Variants in AKNAD1 observed in about 807,000 individuals in gnomAD.
AKNAD1 encodes protein AKNAD1.
A neutral mutation model predicts 90.8 loss-of-function variants in AKNAD1; 67 were observed. That is an observed-to-expected ratio of 0.74 (90% CI 0.61 to 0.90). The LOEUF is 0.90. AKNAD1 is among the 40% of genes least tolerant of loss of function. The pLI is 0.00. For synonymous variants in AKNAD1, 327 were observed against 341.4 expected (o/e 0.96, Z 0.46); for missense variants, 957 against 975.4 (o/e 0.98, Z 0.25).
At chr1:108,853,850 C>T (rs1015834137) in intron 1 of AKNAD1, among the ~76,000 whole-genome samples, 46 of 151,976 alleles carry the variant, frequency 3.0e-4, no homozygotes, top group African/African-American at 1.0e-3. Context: ...GCAGGAGCAT[C>T]GCTTGAACCT....
chr1:108,816,004 T>G lies in AKNAD1; in HGVS notation c.*167A>C. The G allele has an allele frequency of 1.9e-6, 1 of 536,226 alleles. No individual in the cohort carries two copies. Among genetic ancestry groups the G allele is most frequent in the Non-Finnish European group, 2.9e-6 (1 of 346,306 alleles). The allele number at this position is 536,226 out of a possible 1,614,324, so 33.2% of individuals were successfully genotyped here. ...ATTTTAAGAATCAGAAGTCCTTTCT[T>G]TTTTCTTTTTCCTTTAAGTACTTTG... is the stretch of plus-strand genomic sequence containing the variant. On this transcript the variant is annotated 3_prime_UTR_variant, in exon 16 of 16. Coordinates refer to ENST00000370001, the MANE Select transcript of AKNAD1 (RefSeq NM_152763.5).
In AKNAD1 at chr1:108,849,564, C is replaced by T. The variant is rs370187001; in HGVS notation, c.1006G>A (p.Val336Ile). The T allele has an allele frequency of 8.5e-5, 136 of 1,596,472 alleles. No individual in the cohort carries two copies. Among genetic ancestry groups the T allele is most frequent in the Middle Eastern group, 8.3e-4 (5 of 6,026 alleles). ...PSQQIQMEPI[V>I]HIHQELLTGI... The stretch of plus-strand genomic sequence containing the variant: ...GTGAGAAGTTCTTGGTGGATATGTA[C>T]TATGGGCTCCATCTGCACAATTAAA... Residue 336 changes from valine (V) to isoleucine (I), a missense_variant, in exon 3 of 16, where the codon GTA (valine) becomes ATA (isoleucine). By Grantham distance (29) the Val-to-Ile change is conservative. Transcript: ENST00000370001.
At chr1:108,835,456 A>G (rs1320878338) in intron 7 of AKNAD1, among the ~76,000 whole-genome samples, 2 of 152,168 alleles carry the variant, frequency 1.3e-5, no homozygotes. Context: ...TGCATTTTAC[A>G]GAAGAGAGAA....
chr1:108,835,285 C>T (rs1336810312), intron 7 of AKNAD1, among the ~76,000 whole-genome samples: 1 of 152,192 alleles, frequency 6.6e-6, no homozygotes, highest in Admixed American at 6.5e-5. Context: ...TTCAAACCTT[C>T]TGCATTTAGT....
At chr1:108,850,839 C>T (rs1389183394) in intron 2 of AKNAD1, among the ~76,000 whole-genome samples, 2 of 152,078 alleles carry the variant, frequency 1.3e-5, no homozygotes, top group Non-Finnish European at 2.9e-5. Context: ...ACTATTGGGC[C>T]TCAAACATCA....
chr1:108,817,626 C>T (rs750790029), intron 14 of AKNAD1, among the ~76,000 whole-genome samples: 14 of 150,704 alleles, frequency 9.3e-5, no homozygotes, highest in African/African-American at 1.7e-4. Context: ...CTCAGCCTCC[C>T]GAGTAGCTGG....
At chr1:108,849,253 G>C (rs987130763) in intron 3 of AKNAD1, among the ~76,000 whole-genome samples, 193 bp from the exon 4 acceptor site, 6 of 152,102 alleles carry the variant, frequency 3.9e-5, no homozygotes, top group Non-Finnish European at 8.8e-5. Context: ...GGCCAAAGCG[G>C]GGGGATCACT....
chr1:108,841,229 A>C (rs1664543124), intron 6 of AKNAD1, among the ~76,000 whole-genome samples: 1 of 152,008 alleles, frequency 6.6e-6, no homozygotes, highest in South Asian at 2.1e-4. Flanking sequence ...AAAATGATGG[A>C]GCAAGGCCTC....
intron 11 of AKNAD1, among the ~76,000 whole-genome samples, chr1:108,824,391 A>G (rs766007929): frequency 1.3e-5 from 2 of 151,954 alleles, no homozygotes; most frequent in Non-Finnish European, 2.9e-5. Flanking sequence ...TTCTTGCCTT[A>G]CTGAACTCAT....
Position 108,848,892 on chromosome 1 carries a change from A to T in AKNAD1, c.1182+20T>A. ...AATTTGGTTACTTATATTGTTTATA[A>T]TAAGCTTTAAAAGTATTACTTTAGT... On this transcript the variant is annotated intron_variant, in intron 4 of 15. Coordinates refer to ENST00000370001, the MANE Select transcript of AKNAD1 (RefSeq NM_152763.5). 6.3e-7 allele frequency: 1 copy of T among 1,599,404 alleles called. No homozygotes were observed. Among genetic ancestry groups the T allele is most frequent in the Non-Finnish European group, 8.5e-7 (1 of 1,175,712 alleles).
chr1:108,852,973 A>G (rs925898666), intron 1 of AKNAD1, among the ~76,000 whole-genome samples: 2 of 152,110 alleles, frequency 1.3e-5, no homozygotes, highest in African/African-American at 2.4e-5. Flanking sequence ...GAAAAAAAAA[A>G]AGAGAGTGTT....
intron 5 of AKNAD1, among the ~76,000 whole-genome samples, chr1:108,847,587 G>A (rs1429586632): frequency 6.8e-6 from 1 of 147,826 alleles, no homozygotes; most frequent in Non-Finnish European, 1.5e-5. Context: ...GTGCTCCCAA[G>A]TGCTGTATGG....
chr1:108,823,708 A>G lies in AKNAD1; in HGVS notation c.1937-20T>C. ...CAGAATCTGAAAAAGCCCAAGTTGC[A>G]TGAATGAAGGGTAAGTGTCTTGATT... On this transcript the variant is annotated intron_variant, in intron 11 of 15. Coordinates refer to ENST00000370001, the MANE Select transcript of AKNAD1 (RefSeq NM_152763.5). 1.2e-6 allele frequency: 2 copies of G among 1,614,028 alleles called. No homozygotes were observed.
chr1:108,832,211 C>CTTTTTTTTT (rs35868464), intron 9 of AKNAD1, among the ~76,000 whole-genome samples: 3 of 91,696 alleles, frequency 3.3e-5, no homozygotes, highest in East Asian at 3.1e-4. Context: ...ATGCTGTGTT[C>CTTTTTTTTT]TTTTTTTTTT....
In AKNAD1 at chr1:108,852,315, A is replaced by G. The variant is rs770497660; in HGVS notation, c.350T>C (p.Leu117Pro). ...ACCTCTTAAGAATGGCTCTTTGGAA[A>G]GATGATGAAGTAAAATATCAGAAAT... ...SSISDILLHH[L>P]SKEPFLRGQG... Residue 117 changes from leucine (L) to proline (P), a missense_variant, in exon 2 of 16, where the codon CTT (leucine) becomes CCT (proline). Transcript: ENST00000370001. 6.2e-7 allele frequency: 1 copy of G among 1,614,210 alleles called. No homozygotes were observed. Among genetic ancestry groups the G allele is most frequent in the South Asian group, 1.1e-5 (1 of 91,088 alleles).
chr1:108,836,895 G>A (rs1664401838), intron 7 of AKNAD1: 1 of 152,296 alleles, frequency 6.6e-6, no homozygotes, highest in African/African-American at 2.4e-5. Flanking sequence ...CTTGAGAGAA[G>A]GAAAATGCAG....
At position 108,851,942 on chromosome 1, in the gene AKNAD1, T is replaced by C. The variant is rs17030016; in HGVS notation, c.723A>G (p.Ala241=). 80,000 of 1,614,200 alleles carry C rather than the reference T, an allele frequency of 0.05. 2,531 individuals are homozygous for C. Among genetic ancestry groups the C allele is most frequent in the African/African-American group, 0.12 (9,199 of 75,026 alleles). The change falls in exon 2 of 16, where the codon GCA becomes GCG. Residue 241 remains alanine, a synonymous_variant. Transcript: ENST00000370001. The part of the protein sequence containing the change: ...QSPQKQQTEK[A]NSGNTFKYGQ... ...CGTATTTGAACGTGTTGCCTGAATT[T>C]GCTTTTTCAGTCTGCTGTTTCTGGG...
At chr1:108,826,347 T>C (rs945521340) in intron 11 of AKNAD1, among the ~76,000 whole-genome samples, 3 of 151,620 alleles carry the variant, frequency 2.0e-5, no homozygotes, top group African/African-American at 4.8e-5. Flanking sequence ...GAGGTGATTT[T>C]TAAGCTCAGA....
intron 6 of AKNAD1, 55 bp downstream of exon 6, chr1:108,843,079 C>T: frequency 6.3e-7 from 1 of 1,591,268 alleles, no homozygotes; most frequent in Non-Finnish European, 8.6e-7. Flanking sequence ...CAGAATCCCA[C>T]CTGAAGGAGA....
Sources: allele counts gnomAD v4.1 joint callset (sites outside exome capture counted in the v4.1 genomes callset), GRCh38; gene constraint gnomAD v4.1.1; transcripts MANE v1.5; gene names NCBI Gene and HGNC (gene_info 2026-07-23, HGNC 2026-07-21).